TMEM132C: variants seen among roughly 807,000 people sequenced by gnomAD.
TMEM132C encodes the protein protein phosphatase 1, regulatory subunit 152.
A neutral mutation model predicts 61.4 loss-of-function variants in TMEM132C; 29 were observed. That is an observed-to-expected ratio of 0.47 (90% CI 0.35 to 0.64). TMEM132C has a LOEUF of 0.64. Ranked by LOEUF, TMEM132C falls within the 30% of genes least tolerant of loss-of-function variation. The pLI, the probability that TMEM132C is intolerant of heterozygous loss-of-function variation, is 0.00. For synonymous variants in TMEM132C, 656 were observed against 633.1 expected (o/e 1.04, Z -0.54); for missense variants, 1,408 against 1,476.9 (o/e 0.95, Z 0.76).
intron 2 of TMEM132C, among the ~76,000 whole-genome samples, chr12:128,416,806 A>G (rs1868794781): frequency 6.6e-6 from 1 of 152,196 alleles, no homozygotes; most frequent in African/African-American, 2.4e-5. Context: ...TAAGTAGACT[A>G]ATTTTGCAGA....
chr12:128,305,301 G>A (rs1473452197), intron 1 of TMEM132C, among the ~76,000 whole-genome samples: 1 of 152,122 alleles, frequency 6.6e-6, no homozygotes, highest in African/African-American at 2.4e-5. Context: ...AGGATTGCAT[G>A]TGATACCTCA....
chr12:128,664,194 T>A (rs1312793504), intron 4 of TMEM132C, among the ~76,000 whole-genome samples: 2 of 96,246 alleles, frequency 2.1e-5, no homozygotes, highest in South Asian at 2.5e-4. Flanking sequence ...ACGCAGGCAC[T>A]CACACAGGCA....
chr12:128,474,657 G>A (rs1871097564), intron 2 of TMEM132C, among the ~76,000 whole-genome samples: 1 of 152,180 alleles, frequency 6.6e-6, no homozygotes, highest in Non-Finnish European at 1.5e-5. Flanking sequence ...TTGAAGTGGA[G>A]AAAATTCTGA....
chr12:128,534,801 T>C (rs569598402), intron 2 of TMEM132C, among the ~76,000 whole-genome samples: 2 of 152,342 alleles, frequency 1.3e-5, no homozygotes, highest in African/African-American at 2.4e-5. Context: ...CTGTTAAACC[T>C]ATGCATTTCT....
chr12:128,468,751 A>G (rs58942498), intron 2 of TMEM132C, among the ~76,000 whole-genome samples: 4,830 of 152,360 alleles, frequency 0.032, 248 homozygotes, highest in African/African-American at 0.11. Flanking sequence ...TAGAAGGTAC[A>G]TTAACTTTTT....
At chr12:128,287,517 A>ATCTATG (rs1450047604) in intron 1 of TMEM132C, among the ~76,000 whole-genome samples, 15 of 132,362 alleles carry the variant, frequency 1.1e-4, no homozygotes, top group African/African-American at 3.6e-4. Context: ...CTATATCTAT[A>ATCTATG]TCTATATCTA....
At chr12:128,592,428 T>C (rs1225306714) in intron 3 of TMEM132C, among the ~76,000 whole-genome samples, 2 of 152,228 alleles carry the variant, frequency 1.3e-5, no homozygotes, top group East Asian at 3.9e-4. Context: ...CAGGAATGTG[T>C]GTTCAGTGGA....
chr12:128,600,760 C>A (rs781236484), intron 3 of TMEM132C, among the ~76,000 whole-genome samples: 33 of 152,228 alleles, frequency 2.2e-4, no homozygotes, highest in Non-Finnish European at 4.1e-4. Context: ...CAATGATGCG[C>A]TTCTGCACCT....
intron 4 of TMEM132C, among the ~76,000 whole-genome samples, chr12:128,655,577 G>A (rs899574264): frequency 1.3e-5 from 2 of 151,558 alleles, no homozygotes; most frequent in East Asian, 3.9e-4. Flanking sequence ...AAAATGAAGC[G>A]CCCTTTTGGA....
chr12:128,592,066 A>AG (rs1875773205), intron 3 of TMEM132C, among the ~76,000 whole-genome samples: 1 of 151,238 alleles, frequency 6.6e-6, no homozygotes, highest in South Asian at 2.1e-4. Context: ...AAAGAAAAAA[A>AG]AAAAAAAACA....
intron 1 of TMEM132C, among the ~76,000 whole-genome samples, chr12:128,365,032 C>G (rs1873819632): frequency 6.6e-6 from 1 of 152,218 alleles, no homozygotes; most frequent in South Asian, 2.1e-4. Flanking sequence ...CAACCCCTCT[C>G]TGTTCCTTAA....
At position 128,357,865 on chromosome 12, in the gene TMEM132C, G is replaced by A. The variant is rs372643044; in HGVS notation, c.86-56867G>A. ...ACCCGAGGCCTCCCCTCCGTCCACAGCACATCACACACACATCCCCAACCA... is the reference window on the plus strand; with the variant it reads ...ACCCGAGGCCTCCCCTCCGTCCACAACACATCACACACACATCCCCAACCA... On this transcript the variant is annotated intron_variant, in intron 1 of 8. Coordinates refer to ENST00000435159, the MANE Select transcript of TMEM132C (RefSeq NM_001136103.3). Among the ~76,000 whole-genome samples the A allele has an allele frequency of 1.9e-3, 269 of 143,560 alleles. 2 individuals carry two copies. Among genetic ancestry groups the A allele is most frequent in the African/African-American group, 6.2e-3 (246 of 39,938 alleles). The allele number at this position is 143,560 out of a possible 152,430, so 94.2% of individuals were successfully genotyped here.
chr12:128,293,955 C>A (rs1268055712), intron 1 of TMEM132C: 1 of 154,324 alleles, frequency 6.5e-6, no homozygotes, highest in Non-Finnish European at 1.5e-5. Flanking sequence ...TTAATGACCT[C>A]ACTCGGATTT....
At chr12:128,549,045 A>G (rs968089131) in intron 3 of TMEM132C, among the ~76,000 whole-genome samples, 5 of 152,142 alleles carry the variant, frequency 3.3e-5, no homozygotes, top group Admixed American at 3.3e-4. Context: ...CTTTGCTCTC[A>G]TGCTCCCAGG....
At chr12:128,319,159 T>C (rs576006449) in intron 1 of TMEM132C, among the ~76,000 whole-genome samples, 24 of 152,326 alleles carry the variant, frequency 1.6e-4, no homozygotes, top group Admixed American at 1.4e-3. Flanking sequence ...AGGCCTCCTT[T>C]GTGGTCAGCC....
chr12:128,406,483 A>G (rs1390950677), intron 1 of TMEM132C, among the ~76,000 whole-genome samples: 1 of 152,202 alleles, frequency 6.6e-6, no homozygotes, highest in African/African-American at 2.4e-5. Context: ...GTGAAAAGAT[A>G]TAAAAAAGAG....
chr12:128,676,300 G>A (rs1350318805), intron 5 of TMEM132C, among the ~76,000 whole-genome samples: 1 of 151,564 alleles, frequency 6.6e-6, no homozygotes, highest in Non-Finnish European at 1.5e-5. Context: ...AGATTTCCTG[G>A]TATTTCTTCA....
chr12:128,463,843 A>G (rs1437230701), intron 2 of TMEM132C, among the ~76,000 whole-genome samples: 1 of 152,110 alleles, frequency 6.6e-6, no homozygotes, highest in Non-Finnish European at 1.5e-5. Flanking sequence ...CCGAGGTCCT[A>G]GGGAGTGGGC....
intron 1 of TMEM132C, among the ~76,000 whole-genome samples, chr12:128,275,344 T>C (rs1351008283): frequency 2.0e-5 from 3 of 152,112 alleles, no homozygotes; most frequent in African/African-American, 4.8e-5. Flanking sequence ...TAGATTCTCA[T>C]AGAAGCTAGA....
Sources: gnomAD v4.1 joint callset for allele counts (sites outside exome capture counted in the v4.1 genomes callset) on GRCh38, gnomAD v4.1.1 for gene constraint, MANE v1.5 for transcripts, NCBI Gene and HGNC (gene_info 2026-07-23, HGNC 2026-07-21) for gene names.